METTL15: variants seen among roughly 807,000 people sequenced by gnomAD.
METTL15 encodes the protein 12S rRNA N(4)-cytidine methyltransferase METTL15.
A neutral mutation model predicts 38.3 loss-of-function variants in METTL15; 34 were observed. That is an observed-to-expected ratio of 0.89 (90% CI 0.68 to 1.18). The LOEUF is 1.18. METTL15 is among the 50% of genes most tolerant of loss of function. METTL15 has a pLI of 0.00. For missense variants in METTL15, 438 were observed against 498.4 expected, an observed-to-expected ratio of 0.88 and a Z score of 1.15; for synonymous variants, 162 against 170.9, an observed-to-expected ratio of 0.95 and a Z score of 0.41.
chr11:28,383,472 G>T (rs922785271), intron 5 of METTL15, among the ~76,000 whole-genome samples: 20 of 152,066 alleles, frequency 1.3e-4, no homozygotes, highest in Non-Finnish European at 2.8e-4. Context: ...ATTCCTTTGG[G>T]TATATAACCA....
intron 5 of METTL15, among the ~76,000 whole-genome samples, chr11:28,374,143 A>C (rs1850278856): frequency 6.6e-6 from 1 of 152,128 alleles, no homozygotes; most frequent in Non-Finnish European, 1.5e-5. Flanking sequence ...TGACATGGCG[A>C]TGCGGGCTCT....
intron 6 of METTL15, among the ~76,000 whole-genome samples, chr11:28,316,648 C>T (rs1236705052): frequency 6.6e-6 from 1 of 152,160 alleles, no homozygotes; most frequent in Non-Finnish European, 1.5e-5. Flanking sequence ...TCTGTGTCCC[C>T]ACCCAAATCT....
intron 4 of METTL15, among the ~76,000 whole-genome samples, chr11:28,229,185 A>C (rs1448335522): frequency 1.3e-5 from 2 of 152,010 alleles, no homozygotes; most frequent in Non-Finnish European, 2.9e-5. Context: ...ATCATGTAAG[A>C]TAATACATAG....
At chr11:28,430,928 G>T (rs1415603662) in intron 6 of METTL15, among the ~76,000 whole-genome samples, 25 of 113,918 alleles carry the variant, frequency 2.2e-4, no homozygotes, top group African/African-American at 5.6e-4. Flanking sequence ...CGCCCGGCCA[G>T]CCGCCCCGTC....
chr11:28,241,633 A>G (rs1039834328), intron 4 of METTL15, among the ~76,000 whole-genome samples: 4 of 152,080 alleles, frequency 2.6e-5, no homozygotes, highest in Non-Finnish European at 4.4e-5. Flanking sequence ...CAAAGGATAA[A>G]TAGGGTCTCA....
At chr11:28,230,986 G>A (rs1255310739) in intron 4 of METTL15, among the ~76,000 whole-genome samples, 2 of 151,800 alleles carry the variant, frequency 1.3e-5, no homozygotes, top group Non-Finnish European at 2.9e-5. Flanking sequence ...ATGAGATCAG[G>A]TAAGTAAATC....
chr11:28,246,566 C>T (rs908467346), intron 4 of METTL15, among the ~76,000 whole-genome samples: 2 of 152,082 alleles, frequency 1.3e-5, no homozygotes, highest in African/African-American at 4.8e-5. Flanking sequence ...AAGTGCCTAG[C>T]AGGTAATAAG....
Position 28,443,883 on chromosome 11 carries a change from G to T in METTL15, c.*424+19519G>T, listed in dbSNP as rs1221700524. 1.1e-4 allele frequency among the ~76,000 whole-genome samples: 16 copies of T among 152,142 alleles called. 1 individual carries two copies. Among genetic ancestry groups the T allele is most frequent in the Non-Finnish European group, 7.3e-5 (5 of 68,030 alleles). Reference sequence around the variant, plus strand: ...TTATAAGTGATTGATCTGCCACCCTGTAATTTATTCTCCATGCAGCAGGTA... The same window carrying T: ...TTATAAGTGATTGATCTGCCACCCTTTAATTTATTCTCCATGCAGCAGGTA... On this transcript the variant is annotated intron_variant and NMD_transcript_variant, in intron 6 of 7. Coordinates refer to the METTL15 transcript ENST00000532947.
chr11:28,283,541 G>A (rs1856136188), intron 4 of METTL15, among the ~76,000 whole-genome samples: 1 of 152,140 alleles, frequency 6.6e-6, no homozygotes. Context: ...AGTACACAGT[G>A]AATGGTAGCT....
chr11:28,452,211 C>T (rs1402998490), intron 6 of METTL15, among the ~76,000 whole-genome samples: 3 of 152,180 alleles, frequency 2.0e-5, no homozygotes, highest in Non-Finnish European at 4.4e-5. Context: ...TTTCTACTTT[C>T]ACACCTTGGT....
At chr11:28,288,488 C>A (rs1382542886) in intron 4 of METTL15, among the ~76,000 whole-genome samples, 3 of 152,076 alleles carry the variant, frequency 2.0e-5, no homozygotes, top group Non-Finnish European at 2.9e-5. Context: ...AGCCATAAAA[C>A]AGAATGAGAA....
chr11:28,245,663 T>A lies in METTL15; in HGVS notation c.407+34465T>A, dbSNP rs544061633. Among the ~76,000 whole-genome samples the A allele has an allele frequency of 3.3e-5, 5 of 152,292 alleles. No individual in the cohort carries two copies. The South Asian group carries it at 1.0e-3, about 32-fold the overall frequency. On this transcript the variant is annotated intron_variant, in intron 4 of 6. Coordinates refer to ENST00000407364, the MANE Select transcript of METTL15 (RefSeq NM_001113528.2). ...TATTAATATAACAAATACCTGAGACTTGGTAATTTATGAAGAAAAGAGGTT... is the reference window on the plus strand; with the variant it reads ...TATTAATATAACAAATACCTGAGACATGGTAATTTATGAAGAAAAGAGGTT...
chr11:28,468,155 C>T (rs981934876), intron 6 of METTL15, among the ~76,000 whole-genome samples: 2 of 152,186 alleles, frequency 1.3e-5, no homozygotes, highest in Non-Finnish European at 2.9e-5. Context: ...CTGCCCCGGA[C>T]TCTAATTGGC....
intron 5 of METTL15, among the ~76,000 whole-genome samples, chr11:28,396,325 A>G (rs532256825): frequency 8.5e-5 from 13 of 152,194 alleles, no homozygotes; most frequent in African/African-American, 2.4e-4. Flanking sequence ...CAGATGACAT[A>G]ATTGTATATT....
chr11:28,293,022 GGTA>G (rs1441893714), intron 5 of METTL15, among the ~76,000 whole-genome samples: 1 of 152,038 alleles, frequency 6.6e-6, no homozygotes, highest in Non-Finnish European at 1.5e-5. Context: ...TCACTCTGAT[GGTA>G]GTTTCTTTTG....
chr11:28,439,019 A>T (rs1851009326), intron 6 of METTL15, among the ~76,000 whole-genome samples: 2 of 17,728 alleles, frequency 1.1e-4, no homozygotes, highest in Non-Finnish European at 8.4e-4. Context: ...GTATGTGAAG[A>T]ATGCAAAAAA....
chr11:28,310,351 T>TACACACAC lies in METTL15; in HGVS notation c.778+13439_778+13446dup, dbSNP rs111303962. 6.9e-3 allele frequency among the ~76,000 whole-genome samples: 1,009 copies of TACACACAC among 147,132 alleles called. 11 individuals are homozygous for TACACACAC. Among genetic ancestry groups the TACACACAC allele is most frequent in the East Asian group, 0.048 (239 of 4,970 alleles). ...AGAAAATGGAGGAAATGTTCAGAGG[T>TACACACAC]ACACACACACACACACACACACACA... On this transcript the variant is annotated intron_variant, in intron 6 of 6. Transcript: ENST00000407364.
chr11:28,320,186 T>G (rs1025939403), intron 6 of METTL15, among the ~76,000 whole-genome samples: 7 of 147,398 alleles, frequency 4.7e-5, no homozygotes, highest in African/African-American at 1.8e-4. Flanking sequence ...AAATAGTTTT[T>G]TTTTTTTTTT....
At position 28,169,104 on chromosome 11, in the gene METTL15, A is replaced by G. The variant is rs529498227; in HGVS notation, c.271-41958A>G. Among the ~76,000 whole-genome samples, 13 of 152,334 alleles carry G rather than the reference A, an allele frequency of 8.5e-5. No homozygotes were observed. In the South Asian group the frequency reaches 2.3e-3, roughly 27 times the overall value. On this transcript the variant is annotated intron_variant, in intron 3 of 6. Coordinates refer to ENST00000407364, the MANE Select transcript of METTL15 (RefSeq NM_001113528.2). ...TAGACCAAAATGGAGAGAGACTGGTAGAGAAAACTGATTAAAATGTATGTT... is the reference window on the plus strand; with the variant it reads ...TAGACCAAAATGGAGAGAGACTGGTGGAGAAAACTGATTAAAATGTATGTT...
Sources: allele counts gnomAD v4.1 joint callset (sites outside exome capture counted in the v4.1 genomes callset), GRCh38; gene constraint gnomAD v4.1.1; transcripts MANE v1.5; gene names NCBI Gene and HGNC (gene_info 2026-07-23, HGNC 2026-07-21).